The following DLG2 variants were observed in gnomAD, a reference collection of about 807,000 sequenced individuals.
DLG2 encodes discs large MAGUK scaffold protein 2, also known as disks large homolog 2.
DLG2 carries 45 observed loss-of-function variants against 132.5 expected under a neutral mutation model. That is an observed-to-expected ratio of 0.34 (90% CI 0.27 to 0.44). DLG2 has a LOEUF of 0.44. Ranked by LOEUF, DLG2 falls within the 20% of genes least tolerant of loss-of-function variation. The probability of loss-of-function intolerance (pLI) is 1.00; values close to 1 mark genes in which losing one functional copy is unlikely to be tolerated. For synonymous variants in DLG2, 424 were observed against 419.6 expected (o/e 1.01, Z -0.13); for missense variants, 1,045 against 1,196.9 (o/e 0.87, Z 1.87).
intron 8 of DLG2, among the ~76,000 whole-genome samples, chr11:84,175,969 T>A (rs1384245588): frequency 6.6e-6 from 1 of 152,158 alleles, no homozygotes; most frequent in African/African-American, 2.4e-5. Flanking sequence ...ATTGTAAGGT[T>A]TAAAGTTGTT....
intron 2 of DLG2, among the ~76,000 whole-genome samples, chr11:85,617,652 C>T (rs1019886654): frequency 2.6e-5 from 4 of 152,200 alleles, no homozygotes; most frequent in African/African-American, 9.6e-5. Context: ...TAAATATATA[C>T]ACCAGTTTAC....
intron 3 of DLG2, among the ~76,000 whole-genome samples, chr11:85,518,674 A>G (rs1343680426): frequency 1.3e-5 from 2 of 152,202 alleles, no homozygotes; most frequent in African/African-American, 4.8e-5. Flanking sequence ...AGCAACAAGG[A>G]GCCGAATGTT....
intron 3 of DLG2, among the ~76,000 whole-genome samples, chr11:85,525,734 C>T (rs1399126019): frequency 1.3e-5 from 2 of 152,106 alleles, no homozygotes; most frequent in Non-Finnish European, 2.9e-5. Context: ...CAGATTACTG[C>T]CAGGAGAATA....
chr11:85,545,936 A>C (rs2153215856), intron 3 of DLG2, among the ~76,000 whole-genome samples: 1 of 152,232 alleles, frequency 6.6e-6, no homozygotes, highest in Admixed American at 6.5e-5. Context: ...CTTTTCAAAA[A>C]ACCAGCTCCT....
chr11:85,022,911 A>G (rs1283416841), intron 6 of DLG2, among the ~76,000 whole-genome samples: 2 of 152,120 alleles, frequency 1.3e-5, no homozygotes, highest in African/African-American at 4.8e-5. Flanking sequence ...AACCTTAATG[A>G]CATATCCTCC....
chr11:84,484,815 T>C (rs2099146798), intron 7 of DLG2, among the ~76,000 whole-genome samples: 1 of 152,186 alleles, frequency 6.6e-6, no homozygotes, highest in South Asian at 2.1e-4. Context: ...ATCTAACCCA[T>C]GTCCACATCT....
chr11:84,795,729 G>A (rs2074500100), intron 6 of DLG2, among the ~76,000 whole-genome samples: 1 of 152,126 alleles, frequency 6.6e-6, no homozygotes. Context: ...CCTTTGGGGA[G>A]CCTGGATGTA....
At chr11:85,138,528 C>G (rs1046916219) in intron 5 of DLG2, among the ~76,000 whole-genome samples, 1 of 152,084 alleles carries the variant, frequency 6.6e-6, no homozygotes, top group African/African-American at 2.4e-5. Flanking sequence ...TCCCATACTC[C>G]ACCTTCTTAT....
At chr11:83,615,735 G>A (rs1176797696) in intron 19 of DLG2, among the ~76,000 whole-genome samples, 1 of 152,208 alleles carries the variant, frequency 6.6e-6, no homozygotes, top group African/African-American at 2.4e-5. Flanking sequence ...GCCATGGAAT[G>A]CAGCAGCCTC....
chr11:84,993,289 T>C (rs1338098945), intron 6 of DLG2, among the ~76,000 whole-genome samples: 3 of 150,894 alleles, frequency 2.0e-5, no homozygotes, highest in African/African-American at 7.3e-5. Context: ...AGAGGGAGAG[T>C]GTTAGAACAC....
intron 6 of DLG2, among the ~76,000 whole-genome samples, chr11:84,924,112 T>A (rs978280087): frequency 4.6e-5 from 7 of 151,576 alleles, no homozygotes; most frequent in African/African-American, 1.7e-4. Context: ...AAAAAAAAAA[T>A]TAAAAACATC....
chr11:84,301,501 C>CA (rs1174800321), intron 7 of DLG2, among the ~76,000 whole-genome samples: 6 of 149,820 alleles, frequency 4.0e-5, no homozygotes, highest in East Asian at 2.0e-4. Flanking sequence ...ACTAAAAATA[C>CA]AAAAAAAAAT....
intron 15 of DLG2, among the ~76,000 whole-genome samples, chr11:83,919,745 GT>G (rs2077528080): frequency 6.6e-6 from 1 of 152,072 alleles, no homozygotes; most frequent in Admixed American, 6.6e-5. Flanking sequence ...GGACTAAACT[GT>G]TTAGTCCAAT....
chr11:83,802,036 G>C (rs1002605168), intron 17 of DLG2, among the ~76,000 whole-genome samples: 3 of 151,902 alleles, frequency 2.0e-5, no homozygotes, highest in Non-Finnish European at 4.4e-5. Context: ...TGAACTCACT[G>C]AATCAGCATC....
At chr11:84,401,021 A>C (rs1473394244) in intron 7 of DLG2, among the ~76,000 whole-genome samples, 1 of 152,138 alleles carries the variant, frequency 6.6e-6, no homozygotes, top group East Asian at 1.9e-4. Context: ...AACATGTATC[A>C]AACACATGGT....
chr11:84,741,974 A>G (rs1006844576), intron 6 of DLG2, among the ~76,000 whole-genome samples: 1 of 152,120 alleles, frequency 6.6e-6, no homozygotes, highest in African/African-American at 2.4e-5. Flanking sequence ...GATAGATACC[A>G]TAAAGAAGAA....
chr11:84,555,734 G>C (rs1003988076), intron 6 of DLG2, among the ~76,000 whole-genome samples: 1 of 152,196 alleles, frequency 6.6e-6, no homozygotes, highest in Non-Finnish European at 1.5e-5. Flanking sequence ...CGGGGGATCT[G>C]TTGTACAACA....
chr11:84,245,911 C>T (rs540949999), intron 8 of DLG2, among the ~76,000 whole-genome samples: 5 of 152,184 alleles, frequency 3.3e-5, no homozygotes, highest in South Asian at 4.1e-4. Flanking sequence ...TCCCCTAATT[C>T]GAGCTTGGCA....
intron 3 of DLG2, among the ~76,000 whole-genome samples, chr11:85,457,336 A>G (rs183448288): frequency 7.9e-5 from 12 of 152,188 alleles, no homozygotes; most frequent in Admixed American, 7.2e-4. Flanking sequence ...ATGTTGCTGC[A>G]TGTGAGATGG....
Sources: allele counts gnomAD v4.1 joint callset (sites outside exome capture counted in the v4.1 genomes callset), GRCh38; gene constraint gnomAD v4.1.1; transcripts MANE v1.5; gene names NCBI Gene and HGNC (gene_info 2026-07-23, HGNC 2026-07-21).